ATP9A: variants seen among roughly 807,000 people sequenced by gnomAD.
ATP9A encodes ATPase phospholipid transporting 9A.
ATP9A carries 52 observed loss-of-function variants against 144.1 expected under a neutral mutation model. The observed-to-expected ratio is 0.36, with a 90% CI of 0.29 to 0.45. The LOEUF is 0.45. Ranked by LOEUF, ATP9A falls within the 20% of genes least tolerant of loss-of-function variation. The pLI, the probability that ATP9A is intolerant of heterozygous loss-of-function variation, is 1.00. For missense variants in ATP9A, 947 were observed against 1,392.7 expected, an observed-to-expected ratio of 0.68 and a Z score of 5.09; for synonymous variants, 582 against 557.4, an observed-to-expected ratio of 1.04 and a Z score of -0.62.
In ATP9A at chr20:51,694,015, G is replaced by A. The variant is rs371202773; in HGVS notation, c.635C>T (p.Thr212Met). The A allele has an allele frequency of 7.4e-6, 12 of 1,612,882 alleles. No individual in the cohort carries two copies. The highest frequency in any genetic ancestry group is 2.7e-5 in the African/African-American group (2 of 74,890). Reference sequence around the variant, plus strand: ...GCAGGGAAAGCTACTCACGGCGGCCGTGGGGAGCCTCTGCGTGCAGGCCAC... The same window carrying A: ...GCAGGGAAAGCTACTCACGGCGGCCATGGGGAGCCTCTGCGTGCAGGCCAC... The part of the protein sequence containing the change: ...LPVACTQRLP[T>M]AADLLQIRSY... The change falls in exon 7 of 28, where the codon ACG becomes ATG. Residue 212 changes from threonine (T) to methionine (M), a missense_variant. By Grantham distance (81) the Thr-to-Met change is moderately conservative. This residue lies in a region of ATP9A where 770 missense variants were observed against 1,047.9 expected (regional missense o/e 0.73). Transcript: ENST00000338821.
intron 22 of ATP9A, among the ~76,000 whole-genome samples, chr20:51,616,833 G>A (rs551232558): frequency 4.6e-5 from 7 of 152,144 alleles, no homozygotes; most frequent in African/African-American, 9.6e-5. Flanking sequence ...CTTCCATAGC[G>A]CCCAAGAGAT....
chr20:51,722,831 C>T (rs1417297039), intron 3 of ATP9A, among the ~76,000 whole-genome samples: 1 of 152,186 alleles, frequency 6.6e-6, no homozygotes, highest in Admixed American at 6.5e-5. Context: ...ACCAATCCCA[C>T]TACTGGGTTC....
intron 9 of ATP9A, among the ~76,000 whole-genome samples, chr20:51,678,086 G>C (rs35853726): frequency 0.11 from 16,454 of 147,816 alleles, 1,047 homozygotes; most frequent in South Asian, 0.2. Flanking sequence ...GTGGCGCTAG[G>C]CTGAAAGTCA....
In ATP9A at chr20:51,697,421, C is replaced by T. The variant is rs1381578685; in HGVS notation, c.495+3G>A. The T allele has an allele frequency of 1.9e-6, 3 of 1,612,700 alleles. No homozygotes were observed. The highest frequency in any genetic ancestry group is 2.7e-5 in the African/African-American group (2 of 74,910). On this transcript the variant is annotated splice_donor_region_variant and intron_variant, in intron 5 of 27. Coordinates refer to ENST00000338821, the MANE Select transcript of ATP9A (RefSeq NM_006045.3). ...CACACACAAGCTTCCAGATTCTGCT[C>T]ACCTTTTCAACGATGATAAGGTCTC...
intron 6 of ATP9A, 106 bp from the exon 7 acceptor site, chr20:51,694,208 C>A (rs1568824151): frequency 4.0e-6 from 3 of 749,366 alleles, no homozygotes; most frequent in African/African-American, 1.8e-5. Flanking sequence ...AACCAATGGC[C>A]AGCGACCACA....
At chr20:51,645,597 A>T (rs576751134) in intron 14 of ATP9A, among the ~76,000 whole-genome samples, 1 of 152,206 alleles carries the variant, frequency 6.6e-6, no homozygotes, top group East Asian at 1.9e-4. Flanking sequence ...ACAGGATCTG[A>T]GCCCTGCAGG....
At chr20:51,673,191 T>C (rs2077463369) in intron 11 of ATP9A, among the ~76,000 whole-genome samples, 1 of 152,072 alleles carries the variant, frequency 6.6e-6, no homozygotes, top group Middle Eastern at 3.4e-3. Flanking sequence ...CTGGCCAACA[T>C]GGTGAAACCC....
At chr20:51,693,908 T>C in intron 7 of ATP9A, 100 bp downstream of exon 7, 1 of 1,070,658 alleles carries the variant, frequency 9.3e-7, no homozygotes, top group Admixed American at 2.0e-5. Flanking sequence ...CTGGCCCCAC[T>C]TCACAAGTTG....
At chr20:51,607,959 G>A (rs1020444523) in intron 25 of ATP9A, among the ~76,000 whole-genome samples, 4 of 150,578 alleles carry the variant, frequency 2.7e-5, no homozygotes, top group East Asian at 2.0e-4. Flanking sequence ...CAGGAGAATC[G>A]CTTGAACCCA....
chr20:51,768,231 G>A (rs1568853652), intron 1 of ATP9A, 71 bp downstream of exon 1: 12 of 1,056,912 alleles, frequency 1.1e-5, no homozygotes, highest in East Asian at 7.2e-5. Flanking sequence ...TGTCAGGCCC[G>A]GCCAGGCTGG....
chr20:51,690,216 C>A, intron 8 of ATP9A, among the ~76,000 whole-genome samples: 1 of 148,714 alleles, frequency 6.7e-6, no homozygotes, highest in Admixed American at 6.8e-5. Flanking sequence ...GTCAGGGGAT[C>A]AAGACCATCC....
At chr20:51,658,296 C>G (rs886805882) in intron 13 of ATP9A, among the ~76,000 whole-genome samples, 5 of 151,968 alleles carry the variant, frequency 3.3e-5, no homozygotes, top group South Asian at 2.1e-4. Flanking sequence ...CCTGTCTCTA[C>G]AAAAATACAA....
chr20:51,746,409 T>C (rs2077808334), intron 1 of ATP9A, among the ~76,000 whole-genome samples: 1 of 151,992 alleles, frequency 6.6e-6, no homozygotes, highest in Non-Finnish European at 1.5e-5. Context: ...CAGTTAGGAG[T>C]GGAAGGAGGC....
At chr20:51,608,404 C>G in intron 25 of ATP9A, 114 bp downstream of exon 25, 1 of 738,436 alleles carries the variant, frequency 1.4e-6, no homozygotes, top group African/African-American at 1.8e-5. Flanking sequence ...GTGTTCAAAT[C>G]AGAATTGGAG....
intron 15 of ATP9A, among the ~76,000 whole-genome samples, chr20:51,637,699 G>GTT (rs5841854): frequency 0.01 from 1,498 of 145,712 alleles, 22 homozygotes; most frequent in African/African-American, 0.032. Context: ...TGTGCACTCT[G>GTT]TTTTTTTTTT....
At chr20:51,602,301 G>C (rs1475298092) in intron 27 of ATP9A, among the ~76,000 whole-genome samples, 1 of 152,210 alleles carries the variant, frequency 6.6e-6, no homozygotes, top group African/African-American at 2.4e-5. Flanking sequence ...CACTTTCTGA[G>C]CACAGGATGC....
At chr20:51,612,122 T>A (rs1363692733) in intron 23 of ATP9A, among the ~76,000 whole-genome samples, 15 of 152,196 alleles carry the variant, frequency 9.9e-5, no homozygotes, top group Admixed American at 9.8e-4. Context: ...TTTTTCACAG[T>A]GGCCCTGTCC....
chr20:51,682,538 G>A (rs1001726888), intron 9 of ATP9A, among the ~76,000 whole-genome samples: 9 of 131,030 alleles, frequency 6.9e-5, no homozygotes, highest in African/African-American at 1.1e-4. Flanking sequence ...ATTTGACCCA[G>A]ACATCCTCTG....
intron 15 of ATP9A, among the ~76,000 whole-genome samples, chr20:51,633,795 AAAG>A (rs1408405827): frequency 1.3e-5 from 2 of 150,874 alleles, no homozygotes; most frequent in African/African-American, 4.9e-5. Flanking sequence ...GAGGCAAAAA[AAAG>A]AAAGAAAGAA....
Sources: allele counts gnomAD v4.1 joint callset (sites outside exome capture counted in the v4.1 genomes callset), GRCh38; gene constraint gnomAD v4.1.1; regional missense constraint gnomAD v4.1.1; transcripts MANE v1.5; gene names NCBI Gene and HGNC (gene_info 2026-07-23, HGNC 2026-07-21).